SPATA17: variants seen among roughly 807,000 people sequenced by gnomAD.
SPATA17 encodes the protein spermatogenesis-associated protein 17.
In SPATA17, 53 loss-of-function variants were observed where a neutral mutation model predicts 62.2. The observed-to-expected ratio is 0.85, with a 90% CI of 0.68 to 1.07. The LOEUF is 1.07. SPATA17 is among the 50% of genes least tolerant of loss of function. The pLI is 0.00. For missense variants in SPATA17, 466 were observed against 425.5 expected, an observed-to-expected ratio of 1.10 and a Z score of -0.84; for synonymous variants, 146 against 146.8, an observed-to-expected ratio of 0.99 and a Z score of 0.04.
intron 6 of SPATA17, among the ~76,000 whole-genome samples, chr1:217,755,816 T>A (rs989587693): frequency 3.3e-5 from 5 of 152,076 alleles, no homozygotes; most frequent in Admixed American, 6.6e-5. Flanking sequence ...TGTATTGGTC[T>A]TAAACTCACA....
At chr1:217,864,485 A>G (rs1003387241) in intron 10 of SPATA17, among the ~76,000 whole-genome samples, 2 of 152,150 alleles carry the variant, frequency 1.3e-5, no homozygotes, top group African/African-American at 2.4e-5. Context: ...AAATATATAC[A>G]TATGTATGTG....
At chr1:217,687,376 A>G (rs563071267) in intron 5 of SPATA17, among the ~76,000 whole-genome samples, 3 of 152,284 alleles carry the variant, frequency 2.0e-5, no homozygotes, top group Admixed American at 6.5e-5. Flanking sequence ...TAGTCAGAAA[A>G]TATATTTGGT....
intron 5 of SPATA17, among the ~76,000 whole-genome samples, chr1:217,706,901 C>T (rs1020894287): frequency 2.7e-5 from 4 of 149,052 alleles, no homozygotes; most frequent in African/African-American, 9.9e-5. Context: ...GAGTCTTGCT[C>T]TTTCACCCAG....
At chr1:217,765,274 G>T (rs1673271085) in intron 6 of SPATA17, among the ~76,000 whole-genome samples, 1 of 150,040 alleles carries the variant, frequency 6.7e-6, no homozygotes, top group Non-Finnish European at 1.5e-5. Flanking sequence ...TTATTATTTT[G>T]TGCTCCAATT....
chr1:217,641,878 A>G (rs987788975), intron 1 of SPATA17, among the ~76,000 whole-genome samples: 1 of 152,170 alleles, frequency 6.6e-6, no homozygotes, highest in Non-Finnish European at 1.5e-5. Context: ...AATTGCTCCA[A>G]TAACGTTCTT....
At chr1:217,671,224 T>C (rs1670825415) in intron 4 of SPATA17, among the ~76,000 whole-genome samples, 1 of 152,104 alleles carries the variant, frequency 6.6e-6, no homozygotes, top group Non-Finnish European at 1.5e-5. Flanking sequence ...CAACCTGTGA[T>C]TTAACTTCTC....
At chr1:217,639,065 T>A (rs550382744) in intron 1 of SPATA17, among the ~76,000 whole-genome samples, 3 of 151,922 alleles carry the variant, frequency 2.0e-5, no homozygotes, top group African/African-American at 7.2e-5. Context: ...GAAGAAAACT[T>A]CTAAACTGAA....
rs553300098 is a variant in SPATA17, at chr1:217,784,560, T to C, written c.872+2238T>C. Among the ~76,000 whole-genome samples the C allele has an allele frequency of 2.0e-5, 3 of 152,304 alleles. No homozygotes were observed. The South Asian group carries it at 6.2e-4, about 32-fold the overall frequency. On this transcript the variant is annotated intron_variant, in intron 8 of 10. Transcript: ENST00000366933. ...TAGTAATTTAGCCCACCTGAAACTC[T>C]ATTTTCCTGTCTGTAAGATGAAGCA... is the stretch of plus-strand genomic sequence containing the variant.
chr1:217,768,646 C>T (rs377217892), intron 6 of SPATA17, among the ~76,000 whole-genome samples: 319 of 152,066 alleles, frequency 2.1e-3, no homozygotes, highest in African/African-American at 7.4e-3. Context: ...TGCCCCACCA[C>T]CACACCCAGC....
intron 5 of SPATA17, among the ~76,000 whole-genome samples, chr1:217,704,460 C>T (rs1197601005): frequency 2.0e-5 from 3 of 150,978 alleles, no homozygotes; most frequent in East Asian, 3.9e-4. Flanking sequence ...CCTTGTTAGC[C>T]AGGATGGTCT....
At chr1:217,685,977 T>G (rs1359642352) in intron 5 of SPATA17, among the ~76,000 whole-genome samples, 1 of 152,154 alleles carries the variant, frequency 6.6e-6, no homozygotes, top group Non-Finnish European at 1.5e-5. Flanking sequence ...CTGTGCCTAA[T>G]TTATAAATTA....
chr1:217,652,936 C>A (rs970689095), intron 3 of SPATA17, among the ~76,000 whole-genome samples: 1 of 152,058 alleles, frequency 6.6e-6, no homozygotes, highest in Non-Finnish European at 1.5e-5. Flanking sequence ...AAACACTGTA[C>A]GTAAAATACC....
At chr1:217,710,441 T>G (rs1458761211) in intron 5 of SPATA17, among the ~76,000 whole-genome samples, 1 of 152,120 alleles carries the variant, frequency 6.6e-6, no homozygotes, top group African/African-American at 2.4e-5. Flanking sequence ...GTGTAATATA[T>G]TCCCCCAAGT....
chr1:217,769,786 TG>T (rs1047168323), intron 6 of SPATA17, among the ~76,000 whole-genome samples: 23 of 152,342 alleles, frequency 1.5e-4, no homozygotes, highest in African/African-American at 5.0e-4. Flanking sequence ...CTATTCCTTC[TG>T]GGGTACTATA....
intron 9 of SPATA17, among the ~76,000 whole-genome samples, chr1:217,847,138 A>G (rs1490265172): frequency 6.6e-6 from 1 of 151,962 alleles, no homozygotes; most frequent in Non-Finnish European, 1.5e-5. Context: ...GTTCTATTCT[A>G]TCCTCTCAAT....
At chr1:217,719,935 C>T (rs1444712642) in intron 5 of SPATA17, among the ~76,000 whole-genome samples, 1 of 152,110 alleles carries the variant, frequency 6.6e-6, no homozygotes, top group African/African-American at 2.4e-5. Flanking sequence ...AGAAAACTGC[C>T]CATGGTGGTG....
chr1:217,705,728 C>T (rs935416798), intron 5 of SPATA17, among the ~76,000 whole-genome samples: 5 of 152,168 alleles, frequency 3.3e-5, no homozygotes, highest in South Asian at 2.1e-4. Flanking sequence ...CGTGAGCCAC[C>T]GTGCCCGGCC....
At chr1:217,768,478 C>T (rs547461136) in intron 6 of SPATA17, among the ~76,000 whole-genome samples, 4 of 150,994 alleles carry the variant, frequency 2.6e-5, no homozygotes, top group East Asian at 1.9e-4. Flanking sequence ...TTTTCTTTAT[C>T]GCAAAGCTCT....
At chr1:217,651,630 G>A (rs1670315686) in intron 3 of SPATA17, among the ~76,000 whole-genome samples, 1 of 151,966 alleles carries the variant, frequency 6.6e-6, no homozygotes, top group African/African-American at 2.4e-5. Context: ...CTTCTCTTCA[G>A]GACTTTCTGA....
Sources: gnomAD v4.1 joint callset for allele counts (sites outside exome capture counted in the v4.1 genomes callset) on GRCh38, gnomAD v4.1.1 for gene constraint, MANE v1.5 for transcripts, NCBI Gene and HGNC (gene_info 2026-07-23, HGNC 2026-07-21) for gene names.